The following LATS2 variants were observed in gnomAD, a reference collection of about 807,000 sequenced individuals.
The protein encoded by LATS2 is serine/threonine-protein kinase LATS2.
Under a neutral mutation model 76.0 loss-of-function variants are expected in LATS2, and 24 were observed. The ratio of observed to expected loss-of-function variants is 0.32; its 90% confidence interval spans 0.23 to 0.44. The LOEUF is 0.44. Among genes scored for constraint, LATS2 ranks in the 20% least tolerant of loss-of-function variants. The probability of loss-of-function intolerance (pLI) is 1.00; values close to 1 mark genes in which losing one functional copy is unlikely to be tolerated. For missense variants in LATS2, 1,286 were observed against 1,481.2 expected, an observed-to-expected ratio of 0.87 and a Z score of 2.16; for synonymous variants, 692 against 635.4, an observed-to-expected ratio of 1.09 and a Z score of -1.34.
rs144810264 is a variant in LATS2 at position 21,004,545 on chromosome 13, CGT to C, written c.343-13143_343-13142del. Among the ~76,000 whole-genome samples, 220 of 152,234 alleles carry C rather than the reference CGT, an allele frequency of 1.4e-3. 5 individuals carry two copies. In the East Asian group the frequency reaches 0.04, roughly 28 times the overall value. The stretch of plus-strand genomic sequence containing the variant: ...GCATTACTGGGCACTGACCAGCACA[CGT>C]GTGTGTCAGCATGAACTTGCGAGTG... On this transcript the variant is annotated intron_variant, in intron 2 of 7. Coordinates refer to ENST00000382592, the MANE Select transcript of LATS2 (RefSeq NM_014572.3).
At chr13:20,990,461 A>ATTTTTTTT (rs35074574) in intron 3 of LATS2, among the ~76,000 whole-genome samples, 5,532 of 94,336 alleles carry the variant, frequency 0.059, 862 homozygotes, top group African/African-American at 0.091. Context: ...AATTACTAGG[A>ATTTTTTTT]TTTTTTTTTT....
At chr13:20,985,774 G>A (rs1454937438) in intron 4 of LATS2, among the ~76,000 whole-genome samples, 5 of 151,028 alleles carry the variant, frequency 3.3e-5, no homozygotes, top group South Asian at 4.2e-4. Flanking sequence ...GGCCAGGCGC[G>A]GTGGCTCACA....
At chr13:21,019,359 T>C (rs1871945415) in intron 2 of LATS2, among the ~76,000 whole-genome samples, 2 of 149,652 alleles carry the variant, frequency 1.3e-5, no homozygotes, top group Admixed American at 1.3e-4. Flanking sequence ...AGAGTTTCAC[T>C]CTTGTAGCCC....
At chr13:21,020,805 C>A (rs1183140808) in intron 2 of LATS2, among the ~76,000 whole-genome samples, 1 of 152,230 alleles carries the variant, frequency 6.6e-6, no homozygotes, top group Non-Finnish European at 1.5e-5. Flanking sequence ...GCAGGCCTCT[C>A]TCCCAAAGGC....
intron 2 of LATS2, among the ~76,000 whole-genome samples, chr13:21,017,419 C>T (rs1871846115): frequency 6.6e-6 from 1 of 152,006 alleles, no homozygotes; most frequent in Non-Finnish European, 1.5e-5. Flanking sequence ...AAGCGATCCA[C>T]CAGCCTCGGC....
intron 2 of LATS2, among the ~76,000 whole-genome samples, chr13:21,001,953 G>A (rs912632207): frequency 5.3e-5 from 8 of 150,420 alleles, no homozygotes; most frequent in African/African-American, 9.8e-5. Flanking sequence ...TCGCTCTGTC[G>A]CCCAGGCTGG....
intron 1 of LATS2, among the ~76,000 whole-genome samples, chr13:21,054,883 G>A (rs1259313523): frequency 6.6e-6 from 1 of 152,190 alleles, no homozygotes. Context: ...TACGGAGGGA[G>A]GGGGAGGACC....
intron 1 of LATS2, among the ~76,000 whole-genome samples, chr13:21,057,528 C>T (rs999455953): frequency 6.6e-6 from 1 of 152,132 alleles, no homozygotes; most frequent in Non-Finnish European, 1.5e-5. Flanking sequence ...CTAATAATCA[C>T]GTAACAGGCC....
chr13:20,995,097 T>C (rs1397653044), intron 2 of LATS2, among the ~76,000 whole-genome samples: 1 of 151,936 alleles, frequency 6.6e-6, no homozygotes, highest in Non-Finnish European at 1.5e-5. Context: ...ATCTGGGAAA[T>C]AAGGCTAATA....
rs369166799 is a variant in LATS2, at chr13:20,975,127, G to A, written c.3010C>T (p.Pro1004Ser). The change falls in exon 8 of 8, where the codon CCC (proline) becomes TCC (serine). Residue 1004 changes from proline to serine, a missense_variant. Transcript: ENST00000382592. Reference sequence around the variant, plus strand: ...TTCCAAGGGCTTTCTTCATCTACGGGGTCGAAATTCGAGGTGTCCATGGGG... The same window carrying A: ...TTCCAAGGGCTTTCTTCATCTACGGAGTCGAAATTCGAGGTGTCCATGGGG... ...SHPMDTSNFD[P>S]VDEESPWNDA... The A allele has an allele frequency of 3.7e-6, 6 of 1,614,078 alleles. No homozygotes were observed. The highest frequency in any genetic ancestry group is 5.1e-6 in the Non-Finnish European group (6 of 1,180,046).
chr13:21,015,483 T>C (rs959163990), intron 2 of LATS2, among the ~76,000 whole-genome samples: 26 of 152,340 alleles, frequency 1.7e-4, no homozygotes, highest in African/African-American at 3.8e-4. Flanking sequence ...CTACACACAC[T>C]GATTCACCAC....
intron 2 of LATS2, chr13:21,005,607 G>A (rs1333558142): frequency 6.6e-6 from 1 of 152,144 alleles, no homozygotes; most frequent in African/African-American, 2.4e-5. Flanking sequence ...GAATTAGTTG[G>A]GGTTTTAATT....
intron 3 of LATS2, among the ~76,000 whole-genome samples, chr13:20,990,842 C>T (rs1206797334): frequency 1.3e-5 from 2 of 152,240 alleles, no homozygotes; most frequent in Non-Finnish European, 2.9e-5. Flanking sequence ...TGAACCCCCA[C>T]TCTCAGAAGC....
intron 2 of LATS2, among the ~76,000 whole-genome samples, chr13:21,017,816 G>A (rs569702071): frequency 1.3e-5 from 2 of 152,130 alleles, no homozygotes; most frequent in African/African-American, 4.8e-5. Context: ...ACTAGAGATG[G>A]GGTTTCACCA....
Position 21,024,341 on chromosome 13 carries a change from C to G in LATS2, c.342+21344G>C, listed in dbSNP as rs111365471. On this transcript the variant is annotated intron_variant, in intron 2 of 7. Transcript: ENST00000382592. Reference sequence around the variant, plus strand: ...ATCCCAACTACTGAGGAGACTGAGGCAGGAGAATTGTTTGAACCTGGGAGG... The same window carrying G: ...ATCCCAACTACTGAGGAGACTGAGGGAGGAGAATTGTTTGAACCTGGGAGG... Among the ~76,000 whole-genome samples the G allele has an allele frequency of 1.5e-3, 223 of 152,008 alleles. 1 individual carries two copies. The highest frequency in any genetic ancestry group is 4.9e-3 in the African/African-American group (202 of 41,474).
chr13:21,048,850 A>C (rs1272866658), intron 1 of LATS2, among the ~76,000 whole-genome samples: 1 of 148,316 alleles, frequency 6.7e-6, no homozygotes, highest in Non-Finnish European at 1.5e-5. Context: ...AAAATAAAAA[A>C]TAAAAATAAA....
chr13:21,047,965 A>AAT (rs1873132351), intron 1 of LATS2, among the ~76,000 whole-genome samples: 6 of 152,188 alleles, frequency 3.9e-5, no homozygotes, highest in African/African-American at 1.4e-4. Context: ...TGAAATCCCT[A>AAT]TTTTAATACA....
rs376318141 is a variant in LATS2 at position 20,991,158 on chromosome 13, T to G, written c.475+114A>C. ...TGCCTGTTAACTGAATGAGGCAATGTGCCAGGAGACTGGCTCTGGCCAGGC... is the reference window on the plus strand; with the variant it reads ...TGCCTGTTAACTGAATGAGGCAATGGGCCAGGAGACTGGCTCTGGCCAGGC... On this transcript the variant is annotated intron_variant, in intron 3 of 7. Transcript: ENST00000382592. The surrounding 1 kb of genome is among the most constrained non-coding windows in gnomAD (Gnocchi z 4.9). 2.2e-5 allele frequency: 28 copies of G among 1,301,110 alleles called. No homozygotes were observed. In the East Asian group the frequency reaches 3.2e-4, roughly 15 times the overall value. The allele number at this position is 1,301,110 out of a possible 1,614,324, so 80.6% of individuals were successfully genotyped here.
At position 21,037,879 on chromosome 13, in the gene LATS2, G is replaced by A. The variant is rs144855804; in HGVS notation, c.342+7806C>T. ...GCTGGGATCCTGCAGCTACAGGTGG[G>A]TCCTGTCCGCCAACTCCCAGGCACC... On this transcript the variant is annotated intron_variant, in intron 2 of 7. Coordinates refer to ENST00000382592, the MANE Select transcript of LATS2 (RefSeq NM_014572.3). Among the ~76,000 whole-genome samples, 156 of 152,266 alleles carry A rather than the reference G, an allele frequency of 1.0e-3. 1 individual carries two copies. Among genetic ancestry groups the A allele is most frequent in the African/African-American group, 3.7e-3 (152 of 41,550 alleles).
Sources: allele counts gnomAD v4.1 joint callset (sites outside exome capture counted in the v4.1 genomes callset), GRCh38; gene constraint gnomAD v4.1.1; non-coding constraint Gnocchi (gnomAD v3.1); transcripts MANE v1.5; gene names NCBI Gene and HGNC (gene_info 2026-07-23, HGNC 2026-07-21).